Variants in PTPN9 observed in about 807,000 individuals in gnomAD.
PTPN9 encodes the protein tyrosine-protein phosphatase non-receptor type 9.
Under a neutral mutation model 69.8 loss-of-function variants are expected in PTPN9, and 26 were observed. The ratio of observed to expected loss-of-function variants is 0.37; its 90% CI spans 0.27 to 0.52. PTPN9 has a LOEUF of 0.52. PTPN9 is among the 20% of genes least tolerant of loss of function. The pLI, the probability that PTPN9 is intolerant of heterozygous loss-of-function variation, is 0.91. For missense variants in PTPN9, 549 were observed against 740.3 expected (o/e 0.74, Z 3.00); for synonymous variants, 274 against 272.5 (o/e 1.01, Z -0.05).
intron 1 of PTPN9, among the ~76,000 whole-genome samples, chr15:75,548,652 A>ATTT (rs540489248): frequency 7.5e-5 from 10 of 133,880 alleles, no homozygotes; most frequent in African/African-American, 1.4e-4. Context: ...ACAAGGGGAA[A>ATTT]TTTTTTTTTT....
chr15:75,502,000 A>AT (rs1338740135), intron 7 of PTPN9, among the ~76,000 whole-genome samples: 1 of 152,152 alleles, frequency 6.6e-6, no homozygotes, highest in Non-Finnish European at 1.5e-5. Context: ...TCTTCAAAAA[A>AT]TAAAAAATGA....
In PTPN9 at chr15:75,489,815, C is replaced by T. The variant is rs558119443; in HGVS notation, c.1062+393G>A. Among the ~76,000 whole-genome samples the T allele has an allele frequency of 3.9e-5, 6 of 152,260 alleles. No homozygotes were observed. The South Asian group carries it at 1.2e-3, about 32-fold the overall frequency. On this transcript the variant is annotated intron_variant, in intron 8 of 12. Transcript: ENST00000618819. The stretch of plus-strand genomic sequence containing the variant: ...AAGTTGTCCACAATTTCCTCAGATA[C>T]AGATGGAGAAATCAGAGGTCACTTA...
At chr15:75,533,717 C>G (rs909448366) in intron 1 of PTPN9, among the ~76,000 whole-genome samples, 1 of 152,134 alleles carries the variant, frequency 6.6e-6, no homozygotes, top group Non-Finnish European at 1.5e-5. Flanking sequence ...AGAAAGCTGT[C>G]AATTAAGCAG....
intron 6 of PTPN9, among the ~76,000 whole-genome samples, chr15:75,507,425 G>A (rs536064752): frequency 4.8e-5 from 6 of 123,812 alleles, no homozygotes; most frequent in Admixed American, 3.0e-4. Flanking sequence ...TAGCCTCAGC[G>A]ACAACAGCAA....
chr15:75,515,693 TTTGA>T (rs1343411521), intron 5 of PTPN9, among the ~76,000 whole-genome samples: 2 of 150,608 alleles, frequency 1.3e-5, no homozygotes, highest in African/African-American at 4.9e-5. Flanking sequence ...AGGTCAGGAG[TTTGA>T]GACCAGCCTG....
intron 5 of PTPN9, among the ~76,000 whole-genome samples, chr15:75,516,154 C>G (rs772759205): frequency 3.3e-4 from 50 of 152,078 alleles, no homozygotes; most frequent in Admixed American, 1.6e-3. Context: ...ATTCATAACA[C>G]AGGTTGGGTA....
rs565602811 is a variant in PTPN9 at position 75,468,292 on chromosome 15, A to G, written c.*477T>C. 2 of 168,848 alleles carry G rather than the reference A, an allele frequency of 1.2e-5. No individual in the cohort carries two copies. The highest frequency in any genetic ancestry group is 5.5e-5 in the Admixed American group (1 of 18,050). The allele number at this position is 168,848 out of a possible 1,614,324, so 10.5% of individuals were successfully genotyped here. Reference sequence around the variant, plus strand: ...CAGAAAGGACTGGAATACACGCCCTACTTATAAACGTGCTTGGCACTCAGG... The same window carrying G: ...CAGAAAGGACTGGAATACACGCCCTGCTTATAAACGTGCTTGGCACTCAGG... On this transcript the variant is annotated 3_prime_UTR_variant, in exon 13 of 13. Coordinates refer to ENST00000618819, the MANE Select transcript of PTPN9 (RefSeq NM_002833.4).
At chr15:75,503,045 GC>G (rs1430728366) in intron 7 of PTPN9, among the ~76,000 whole-genome samples, 3 of 152,030 alleles carry the variant, frequency 2.0e-5, no homozygotes, top group Admixed American at 1.3e-4. Flanking sequence ...TGCAGCCTCT[GC>G]CCGGCCACCA....
intron 8 of PTPN9, among the ~76,000 whole-genome samples, chr15:75,483,670 T>C (rs1035225443): frequency 2.0e-5 from 3 of 152,360 alleles, no homozygotes; most frequent in South Asian, 2.1e-4. Flanking sequence ...CATTGACTTA[T>C]ATACTTTAAA....
At chr15:75,508,197 C>G (rs970003619) in intron 6 of PTPN9, among the ~76,000 whole-genome samples, 16 of 152,068 alleles carry the variant, frequency 1.1e-4, no homozygotes, top group African/African-American at 3.9e-4. Context: ...AATCATGGAA[C>G]ACGCAGGAGA....
At chr15:75,505,204 TA>T (rs1422948374) in intron 7 of PTPN9, among the ~76,000 whole-genome samples, 12 of 150,510 alleles carry the variant, frequency 8.0e-5, no homozygotes, top group Admixed American at 4.0e-4. Flanking sequence ...CACTCAGGGT[TA>T]AATGGATTAA....
At chr15:75,524,328 A>T in intron 2 of PTPN9, 30 bp from the exon 3 acceptor site, 1 of 1,415,886 alleles carries the variant, frequency 7.1e-7, no homozygotes, top group Non-Finnish European at 1.0e-6. Flanking sequence ...AAATGTATTA[A>T]TATGAAAATA....
intron 7 of PTPN9, among the ~76,000 whole-genome samples, chr15:75,496,850 G>A (rs2074745448): frequency 6.6e-6 from 1 of 152,124 alleles, no homozygotes; most frequent in Non-Finnish European, 1.5e-5. Context: ...AAATACCAGG[G>A]GAAACAGCTA....
chr15:75,487,744 G>C lies in PTPN9; in HGVS notation c.1062+2464C>G, dbSNP rs2074686900. ...CTCCTGCAGGAAAATCTTCTCCAAG[G>C]GTCCTGGATAGGACTGTGAATTCAG... On this transcript the variant is annotated intron_variant, in intron 8 of 12. Transcript: ENST00000618819. 2.0e-5 allele frequency: 3 copies of C among 152,118 alleles called. No individual in the cohort carries two copies. The South Asian group carries it at 6.2e-4, about 32-fold the overall frequency. 9.4% of individuals were successfully genotyped at this position (152,118 alleles called of 1,614,324 possible).
intron 1 of PTPN9, among the ~76,000 whole-genome samples, chr15:75,534,401 T>A (rs1337905889): frequency 1.3e-5 from 2 of 151,874 alleles, no homozygotes; most frequent in African/African-American, 4.8e-5. Flanking sequence ...AGGCTGGGAG[T>A]GGTGGCTCAC....
chr15:75,562,911 T>C (rs2075111020), intron 1 of PTPN9, among the ~76,000 whole-genome samples: 1 of 152,110 alleles, frequency 6.6e-6, no homozygotes, highest in South Asian at 2.1e-4. Context: ...GCAAACATAT[T>C]TTAGTTTGTT....
intron 4 of PTPN9, among the ~76,000 whole-genome samples, chr15:75,522,534 G>A (rs1299550929): frequency 1.3e-5 from 2 of 151,856 alleles, no homozygotes; most frequent in African/African-American, 4.8e-5. Flanking sequence ...CCCCCAAGAA[G>A]CTGGGACTAA....
intron 10 of PTPN9, among the ~76,000 whole-genome samples, chr15:75,472,087 T>C (rs540531757): frequency 6.6e-6 from 1 of 152,340 alleles, no homozygotes; most frequent in South Asian, 2.1e-4. Context: ...ACATTCATTT[T>C]TTTCCTTCCT....
At chr15:75,523,961 G>C (rs191403624) in intron 3 of PTPN9, among the ~76,000 whole-genome samples, 20 of 152,008 alleles carry the variant, frequency 1.3e-4, no homozygotes, top group Admixed American at 3.9e-4. Flanking sequence ...GTCCAAACAG[G>C]GGGGGATGGA....
Sources: gnomAD v4.1 joint callset for allele counts (sites outside exome capture counted in the v4.1 genomes callset) on GRCh38, gnomAD v4.1.1 for gene constraint, MANE v1.5 for transcripts, NCBI Gene and HGNC (gene_info 2026-07-23, HGNC 2026-07-21) for gene names.